WDPCP: variants seen among roughly 807,000 people sequenced by gnomAD.
WDPCP encodes WD repeat-containing and planar cell polarity effector protein fritz homolog.
In WDPCP, 71 loss-of-function variants were observed where a neutral mutation model predicts 93.1. That is an observed-to-expected ratio of 0.76 (90% CI 0.63 to 0.93). The LOEUF (loss-of-function observed/expected upper bound fraction) is 0.93. WDPCP is among the 40% of genes least tolerant of loss of function. WDPCP has a pLI of 0.00. For synonymous variants in WDPCP, 315 were observed against 315.0 expected (o/e 1.00, Z 0.00); for missense variants, 844 against 887.4 (o/e 0.95, Z 0.62).
intron 3 of WDPCP, chr2:63,599,024 C>T: frequency 1.9e-6 from 1 of 523,290 alleles, no homozygotes; most frequent in Non-Finnish European, 3.1e-6. Flanking sequence ...ACTTAAAATG[C>T]ATTTTCCTAT....
intron 2 of WDPCP, among the ~76,000 whole-genome samples, chr2:63,753,252 G>A (rs529074021): frequency 2.6e-5 from 4 of 151,924 alleles, no homozygotes; most frequent in Non-Finnish European, 5.9e-5. Flanking sequence ...CCAACATGAT[G>A]AAACCCCGTC....
intron 13 of WDPCP, among the ~76,000 whole-genome samples, chr2:63,309,727 C>T (rs529062125): frequency 2.6e-5 from 4 of 152,102 alleles, no homozygotes; most frequent in South Asian, 2.1e-4. Flanking sequence ...AGATTTAAAA[C>T]GATAGACATC....
chr2:63,377,881 AC>A (rs1691989502), intron 12 of WDPCP: 1 of 154,848 alleles, frequency 6.5e-6, no homozygotes, highest in Admixed American at 6.3e-5. Flanking sequence ...ATTATTTTTC[AC>A]ATATTTTCTA....
At chr2:63,380,646 C>G (rs1020586104) in intron 11 of WDPCP, among the ~76,000 whole-genome samples, 3 of 152,106 alleles carry the variant, frequency 2.0e-5, no homozygotes, top group Non-Finnish European at 4.4e-5. Context: ...TCGCTTGAAC[C>G]TGGGAGGCAG....
At chr2:63,497,678 T>C (rs1701316018) in intron 1 of WDPCP, among the ~76,000 whole-genome samples, 1 of 152,188 alleles carries the variant, frequency 6.6e-6, no homozygotes, top group South Asian at 2.1e-4. Flanking sequence ...ACACAAGTTT[T>C]TTAAAGAGCT....
intron 1 of WDPCP, among the ~76,000 whole-genome samples, chr2:63,573,876 C>CAA (rs950061743): frequency 1.3e-5 from 2 of 151,990 alleles, no homozygotes; most frequent in Non-Finnish European, 2.9e-5. Context: ...ATGGCCGCTT[C>CAA]AGGGGGCAGC....
intron 3 of WDPCP, among the ~76,000 whole-genome samples, chr2:63,649,039 A>G (rs1276621671): frequency 1.3e-5 from 2 of 152,238 alleles, no homozygotes; most frequent in African/African-American, 4.8e-5. Context: ...AAATTGAGAT[A>G]TATACTTCAT....
At chr2:63,342,853 T>C (rs900879595) in intron 12 of WDPCP, among the ~76,000 whole-genome samples, 2 of 152,226 alleles carry the variant, frequency 1.3e-5, no homozygotes, top group African/African-American at 2.4e-5. Context: ...TTTGAGTTAC[T>C]GTCCAGTGTC....
intron 2 of WDPCP, among the ~76,000 whole-genome samples, chr2:63,810,445 G>C (rs893727899): frequency 1.3e-5 from 2 of 152,194 alleles, no homozygotes; most frequent in Non-Finnish European, 2.9e-5. Flanking sequence ...TAAGAAGACA[G>C]GAAAAGCTTC....
upstream of WDPCP, chr2:63,588,798 G>C (rs1709067484): frequency 1.7e-6 from 1 of 578,834 alleles, no homozygotes; most frequent in African/African-American, 1.9e-5. Flanking sequence ...GCAGAGCGCA[G>C]TGAGAAGAGC....
intron 14 of WDPCP, among the ~76,000 whole-genome samples, chr2:63,182,775 T>C (rs1674343278): frequency 7.4e-6 from 1 of 134,488 alleles, no homozygotes; most frequent in African/African-American, 3.0e-5. Flanking sequence ...GGCCCTGGAC[T>C]TTTTTTTTTT....
At chr2:63,186,548 C>G (rs1020974154) in intron 14 of WDPCP, among the ~76,000 whole-genome samples, 2 of 152,228 alleles carry the variant, frequency 1.3e-5, no homozygotes, top group Non-Finnish European at 2.9e-5. Flanking sequence ...AGTCTCCTGG[C>G]CTCTCGCCAT....
intron 1 of WDPCP, among the ~76,000 whole-genome samples, chr2:63,537,159 T>C (rs1256384908): frequency 6.6e-6 from 1 of 152,208 alleles, no homozygotes; most frequent in Non-Finnish European, 1.5e-5. Flanking sequence ...CACCTAGTTA[T>C]CTTTAACAAA....
chr2:63,758,969 CG>C (rs1437918873), intron 2 of WDPCP, among the ~76,000 whole-genome samples: 10 of 150,972 alleles, frequency 6.6e-5, no homozygotes, highest in Admixed American at 5.3e-4. Context: ...TTAGTAGAGA[CG>C]GGGTTTCACC....
At chr2:63,469,861 TA>T (rs913104332) in intron 6 of WDPCP, among the ~76,000 whole-genome samples, 1 of 152,162 alleles carries the variant, frequency 6.6e-6, no homozygotes, top group Non-Finnish European at 1.5e-5. Context: ...AAAAGTTTTT[TA>T]AAAAATACTT....
intron 12 of WDPCP, among the ~76,000 whole-genome samples, chr2:63,343,993 G>T (rs1311922199): frequency 6.6e-6 from 1 of 152,140 alleles, no homozygotes; most frequent in African/African-American, 2.4e-5. Flanking sequence ...TTGATTTTAA[G>T]TCTTTGTCTA....
chr2:63,349,149 T>C (rs1167756645), intron 12 of WDPCP, among the ~76,000 whole-genome samples: 1 of 152,190 alleles, frequency 6.6e-6, no homozygotes, highest in Non-Finnish European at 1.5e-5. Flanking sequence ...TTAAATTTTG[T>C]CTGTGAAGTA....
intron 2 of WDPCP, among the ~76,000 whole-genome samples, chr2:63,781,011 T>G (rs1670383964): frequency 1.3e-5 from 2 of 152,128 alleles, no homozygotes; most frequent in African/African-American, 2.4e-5. Context: ...TCAGCACAGT[T>G]AGAATTGAGC....
At chr2:63,251,486 CTTTTT>C (rs869243555) in intron 14 of WDPCP, among the ~76,000 whole-genome samples, 1 of 107,126 alleles carries the variant, frequency 9.3e-6, no homozygotes, top group Non-Finnish European at 1.9e-5. Flanking sequence ...AAAAGCCTAC[CTTTTT>C]TTTTTTTTTT....
Sources: gnomAD v4.1 joint callset for allele counts (sites outside exome capture counted in the v4.1 genomes callset) on GRCh38, gnomAD v4.1.1 for gene constraint, MANE v1.5 for transcripts, NCBI Gene and HGNC (gene_info 2026-07-23, HGNC 2026-07-21) for gene names.